The following GRID2 variants were observed in gnomAD, a reference collection of about 807,000 sequenced individuals.
The protein encoded by GRID2 is glutamate receptor ionotropic, delta-2.
Under a neutral mutation model 114.8 loss-of-function variants are expected in GRID2, and 33 were observed. The observed-to-expected ratio is 0.29, with a 90% CI of 0.22 to 0.38. The LOEUF (loss-of-function observed/expected upper bound fraction) is 0.38. Ranked by LOEUF, GRID2 falls within the 10% of genes least tolerant of loss-of-function variation. The pLI, the probability that GRID2 is intolerant of heterozygous loss-of-function variation, is 1.00. For synonymous variants in GRID2, 505 were observed against 449.9 expected (o/e 1.12, Z -1.55); for missense variants, 1,184 against 1,257.7 (o/e 0.94, Z 0.89).
At chr4:92,721,224 G>C (rs1271255440) in intron 2 of GRID2, among the ~76,000 whole-genome samples, 1 of 152,074 alleles carries the variant, frequency 6.6e-6, no homozygotes, top group African/African-American at 2.4e-5. Context: ...ATAAGCTCTG[G>C]AGAAAGAGGC....
At chr4:93,073,127 G>T (rs1728955289) in intron 2 of GRID2, among the ~76,000 whole-genome samples, 1 of 152,116 alleles carries the variant, frequency 6.6e-6, no homozygotes, top group Non-Finnish European at 1.5e-5. Context: ...GTGCAATACT[G>T]CAAACCTTGG....
At chr4:93,342,788 G>A (rs904975417) in intron 8 of GRID2, among the ~76,000 whole-genome samples, 26 of 152,108 alleles carry the variant, frequency 1.7e-4, no homozygotes, top group African/African-American at 5.1e-4. Context: ...CTTAACTTGT[G>A]TATTTTTTTA....
chr4:93,613,800 C>T (rs1249545239), intron 13 of GRID2, among the ~76,000 whole-genome samples: 1 of 151,838 alleles, frequency 6.6e-6, no homozygotes, highest in East Asian at 1.9e-4. Flanking sequence ...GTGGAGCCTA[C>T]AGAGGCAGGC....
chr4:93,373,216 G>C (rs895492148), intron 8 of GRID2, among the ~76,000 whole-genome samples: 32 of 151,910 alleles, frequency 2.1e-4, no homozygotes, highest in African/African-American at 7.3e-4. Flanking sequence ...TTAAATATAT[G>C]TTTTTGCTTG....
chr4:92,821,199 T>G (rs1741258792), intron 2 of GRID2, among the ~76,000 whole-genome samples: 1 of 152,186 alleles, frequency 6.6e-6, no homozygotes, highest in African/African-American at 2.4e-5. Context: ...TGTGTTTATT[T>G]CTAAAGTAAT....
At chr4:93,322,598 T>G (rs375918117) in intron 8 of GRID2, among the ~76,000 whole-genome samples, 2 of 152,180 alleles carry the variant, frequency 1.3e-5, no homozygotes, top group Admixed American at 6.5e-5. Context: ...TAATTCTAGT[T>G]CTAGATCCCT....
chr4:93,392,906 T>C (rs561578102), intron 8 of GRID2, among the ~76,000 whole-genome samples: 2 of 152,172 alleles, frequency 1.3e-5, no homozygotes, highest in South Asian at 4.1e-4. Context: ...CTTAGTTTTC[T>C]TGTCTGTTAA....
chr4:93,142,526 A>G (rs1296139227), intron 4 of GRID2, among the ~76,000 whole-genome samples: 2 of 152,124 alleles, frequency 1.3e-5, no homozygotes, highest in Non-Finnish European at 2.9e-5. Flanking sequence ...ATGATGTAAT[A>G]ACCTTCCAAA....
chr4:93,248,787 C>T (rs1345082649), intron 8 of GRID2, among the ~76,000 whole-genome samples: 2 of 152,136 alleles, frequency 1.3e-5, no homozygotes, highest in African/African-American at 4.8e-5. Context: ...GTGAGTAATG[C>T]ATAATTGGAA....
intron 2 of GRID2, among the ~76,000 whole-genome samples, chr4:92,740,162 G>A (rs1736804332): frequency 6.6e-6 from 1 of 152,268 alleles, no homozygotes; most frequent in Middle Eastern, 3.4e-3. Context: ...AAAGGCAAAG[G>A]AGAGATACCT....
rs141363955 is a variant in GRID2, at chr4:93,284,422, C to A, written c.1245+45932C>A. Among the ~76,000 whole-genome samples the A allele has an allele frequency of 6.6e-5, 10 of 151,950 alleles. No homozygotes were observed. The East Asian group carries it at 1.5e-3, about 24-fold the overall frequency. On this transcript the variant is annotated intron_variant, in intron 8 of 15. Transcript: ENST00000282020. The stretch of plus-strand genomic sequence containing the variant: ...CCAATGGGTACTAGGCTTAATACCT[C>A]GGTGATGACATAGCTGTACAACAAC...
At chr4:93,466,235 A>AATG (rs757156143) in intron 11 of GRID2, among the ~76,000 whole-genome samples, 15 of 152,260 alleles carry the variant, frequency 9.9e-5, no homozygotes, top group Middle Eastern at 3.4e-3. Flanking sequence ...TTCCAGCTAA[A>AATG]ATGATGATGA....
At chr4:93,291,940 A>C (rs893860116) in intron 8 of GRID2, among the ~76,000 whole-genome samples, 6 of 152,294 alleles carry the variant, frequency 3.9e-5, no homozygotes, top group African/African-American at 1.4e-4. Flanking sequence ...AATCTACTTT[A>C]TTGGCATTTT....
chr4:93,242,986 GT>G (rs1236221949), intron 8 of GRID2, among the ~76,000 whole-genome samples: 1 of 151,794 alleles, frequency 6.6e-6, no homozygotes, highest in African/African-American at 2.4e-5. Context: ...CATTTTTTAT[GT>G]TCCTATGTCC....
At chr4:93,002,309 G>T (rs1228923432) in intron 2 of GRID2, among the ~76,000 whole-genome samples, 1 of 151,240 alleles carries the variant, frequency 6.6e-6, no homozygotes, top group Non-Finnish European at 1.5e-5. Context: ...TATTATAGCT[G>T]GCCAAATTAA....
chr4:92,643,402 T>C (rs1731456001), intron 2 of GRID2, among the ~76,000 whole-genome samples: 1 of 151,798 alleles, frequency 6.6e-6, no homozygotes, highest in African/African-American at 2.4e-5. Flanking sequence ...TCAAACTATC[T>C]CTCTTCTCTA....
chr4:92,923,458 A>G (rs772237662), intron 2 of GRID2, among the ~76,000 whole-genome samples: 1 of 152,190 alleles, frequency 6.6e-6, no homozygotes, highest in African/African-American at 2.4e-5. Flanking sequence ...TTTCATAAAG[A>G]TACAAATTCA....
chr4:92,937,501 G>A (rs1750757596), intron 2 of GRID2, among the ~76,000 whole-genome samples: 1 of 146,280 alleles, frequency 6.8e-6, no homozygotes, highest in African/African-American at 2.4e-5. Flanking sequence ...TTGACCATAG[G>A]CCCCTGGGTT....
intron 8 of GRID2, among the ~76,000 whole-genome samples, chr4:93,252,329 A>ATTT (rs56056248): frequency 0.011 from 1,347 of 119,654 alleles, 36 homozygotes; most frequent in Non-Finnish European, 0.014. Flanking sequence ...GGAATCCTTC[A>ATTT]TTTTTTTTTT....
Sources: allele counts gnomAD v4.1 joint callset (sites outside exome capture counted in the v4.1 genomes callset), GRCh38; gene constraint gnomAD v4.1.1; transcripts MANE v1.5; gene names NCBI Gene and HGNC (gene_info 2026-07-23, HGNC 2026-07-21).